CD300LG: variants seen among roughly 807,000 people sequenced by gnomAD.
CD300LG encodes CD300 molecule like family member g.
Under a neutral mutation model 31.5 loss-of-function variants are expected in CD300LG, and 29 were observed. The observed-to-expected ratio is 0.92, with a 90% confidence interval of 0.68 to 1.25. CD300LG has a LOEUF of 1.25. CD300LG is among the 50% of genes most tolerant of loss of function. The pLI is 0.00. For missense variants in CD300LG, 396 were observed against 417.6 expected (o/e 0.95, Z 0.45); for synonymous variants, 175 against 177.2 (o/e 0.99, Z 0.10).
intron 2 of CD300LG, among the ~76,000 whole-genome samples, chr17:43,851,064 G>T (rs1011996326): frequency 5.3e-5 from 8 of 150,104 alleles, no homozygotes; most frequent in African/African-American, 2.0e-4. Flanking sequence ...AACCCGGGAG[G>T]CGGAGGTTGC....
Position 43,853,164 on chromosome 17 carries a change from G to C in CD300LG, c.481+151G>C, listed in dbSNP as rs2046410268. On this transcript the variant is annotated intron_variant, in intron 3 of 6. Coordinates refer to ENST00000317310, the MANE Select transcript of CD300LG (RefSeq NM_145273.4). ...GGGTTGTCCAGCTGTGGAAGTGGAG[G>C]CTCAGCAGGGTTAGGTCACTTGCTC... is the stretch of plus-strand genomic sequence containing the variant. The C allele has an allele frequency of 4.8e-6, 3 of 622,548 alleles. No individual in the cohort carries two copies. In the Admixed American group the frequency reaches 9.4e-5, roughly 19 times the overall value. 38.6% of individuals were successfully genotyped at this position (622,548 alleles called of 1,614,324 possible). A position where few individuals can be genotyped will look rare whatever the true frequency, so the allele number is the denominator to read the frequency against.
chr17:43,853,976 C>T lies in CD300LG; in HGVS notation c.651C>T (p.Pro217=), dbSNP rs756592250. ...TSPPAGSSRP[P]MQLDSTSAED... ...CTCCTGCAGGGAGCTCCCGCCCCCC[C>T]ATGCAGCTGGACTCCACCTCAGCAG... Residue 217 remains proline (P), a synonymous_variant, in exon 4 of 7, where the codon CCC becomes CCT. Transcript: ENST00000317310. 2 of 1,614,096 alleles carry T rather than the reference C, an allele frequency of 1.2e-6. No individual in the cohort carries two copies. The highest frequency in any genetic ancestry group is 1.6e-4 in the Middle Eastern group (1 of 6,084).
intron 2 of CD300LG, among the ~76,000 whole-genome samples, chr17:43,852,431 C>T (rs533490894): frequency 1.3e-5 from 2 of 152,278 alleles, no homozygotes; most frequent in African/African-American, 4.8e-5. Context: ...CCAGGCTGGT[C>T]TCGAACTCCT....
At chr17:43,847,695 C>G (rs2046222762) in intron 1 of CD300LG, among the ~76,000 whole-genome samples, 1 of 152,172 alleles carries the variant, frequency 6.6e-6, no homozygotes, top group African/African-American at 2.4e-5. Flanking sequence ...TTTTTCTTTA[C>G]CTTCTAACAC....
rs781654438 is a variant in CD300LG at position 43,853,891 on chromosome 17, A to C, written c.566A>C (p.Gln189Pro). The change falls in exon 4 of 7, where the codon CAG (glutamine) becomes CCG (proline). Residue 189 changes from glutamine (Q) to proline (P), a missense_variant. Gln to Pro is a moderately conservative substitution (Grantham distance 76). Transcript: ENST00000317310. Reference protein sequence around the residue: ...AEAPPLPGTSQYGHERTSQYT... With the variant: ...AEAPPLPGTSPYGHERTSQYT... ...GCCCCTCCATTGCCAGGGACTTCCC[A>C]GTACGGGCACGAAAGGACTTCTCAG... 4 of 1,614,142 alleles carry C rather than the reference A, an allele frequency of 2.5e-6. No homozygotes were observed. Among genetic ancestry groups the C allele is most frequent in the Non-Finnish European group, 3.4e-6 (4 of 1,180,012 alleles).
rs1384762810 is a variant in CD300LG, at chr17:43,853,977, A to G, written c.652A>G (p.Met218Val). 2.2e-5 allele frequency: 35 copies of G among 1,614,136 alleles called. No individual in the cohort carries two copies. Among genetic ancestry groups the G allele is most frequent in the Non-Finnish European group, 2.9e-5 (34 of 1,180,000 alleles). Residue 218 changes from methionine to valine, a missense_variant, in exon 4 of 7, where the codon ATG (methionine) becomes GTG (valine). By Grantham distance (21) the Met-to-Val change is conservative (BLOSUM62 1). Coordinates refer to ENST00000317310, the MANE Select transcript of CD300LG (RefSeq NM_145273.4). The part of the protein sequence containing the change: ...SPPAGSSRPP[M>V]QLDSTSAEDT... ...TCCTGCAGGGAGCTCCCGCCCCCCC[A>G]TGCAGCTGGACTCCACCTCAGCAGA... is the stretch of plus-strand genomic sequence containing the variant.
chr17:43,850,285 C>T (rs990288810), intron 2 of CD300LG, among the ~76,000 whole-genome samples: 2 of 152,200 alleles, frequency 1.3e-5, no homozygotes, highest in Non-Finnish European at 2.9e-5. Flanking sequence ...GACAGTTTAA[C>T]ACGATCTCAC....
chr17:43,848,986 G>T, intron 2 of CD300LG, 93 bp downstream of exon 2: 1 of 1,113,012 alleles, frequency 9.0e-7, no homozygotes. Flanking sequence ...CCAACATTAT[G>T]GGCACTGAGT....
chr17:43,852,909 T>C lies in CD300LG; in HGVS notation c.380-3T>C, dbSNP rs1202216751. ...CTGAGAGCAGCCTTTCCCTTTCCTC[T>C]AGGACCCTGCTGTCCTCCCTCCCCT... On this transcript the variant is annotated splice_region_variant and splice_polypyrimidine_tract_variant and intron_variant, in intron 2 of 6. Coordinates refer to ENST00000317310, the MANE Select transcript of CD300LG (RefSeq NM_145273.4). The C allele has an allele frequency of 1.2e-6, 2 of 1,608,928 alleles. No individual in the cohort carries two copies. The highest frequency in any genetic ancestry group is 1.3e-5 in the African/African-American group (1 of 74,768).
Position 43,848,574 on chromosome 17 carries a change from G to T in CD300LG, c.60G>T (p.Glu20Asp), listed in dbSNP as rs779322180. Residue 20 changes from glutamate to aspartate, a missense_variant, in exon 2 of 7, where the codon GAG (glutamate) becomes GAT (aspartate). Transcript: ENST00000317310. ...TGATTTTAGGTTATGAAGCCCTGGA[G>T]GGCCCAGAGGAAATCAGCGGGTTCG... ...CLLLPGYEALEGPEEISGFEG... is the reference protein window; with the variant it reads ...CLLLPGYEALDGPEEISGFEG... 6.2e-7 allele frequency: 1 copy of T among 1,613,758 alleles called. No homozygotes were observed. The highest frequency in any genetic ancestry group is 8.5e-7 in the Non-Finnish European group (1 of 1,179,760).
intron 6 of CD300LG, 99 bp downstream of exon 6, chr17:43,857,255 C>CA: frequency 6.7e-7 from 1 of 1,485,340 alleles, no homozygotes; most frequent in South Asian, 1.2e-5. Flanking sequence ...CCTGGTCCTC[C>CA]TTGCCTGACC....
chr17:43,860,473 C>T (rs1219505681), intron 6 of CD300LG, among the ~76,000 whole-genome samples: 1 of 152,208 alleles, frequency 6.6e-6, no homozygotes, highest in Non-Finnish European at 1.5e-5. Flanking sequence ...GGCTGGGGAG[C>T]TTGGCCGGCT....
chr17:43,861,548 A>G (rs987545149), intron 6 of CD300LG, among the ~76,000 whole-genome samples: 2 of 151,240 alleles, frequency 1.3e-5, no homozygotes, highest in Non-Finnish European at 2.9e-5. Flanking sequence ...CAAGGCCACA[A>G]CTGCGCCAGA....
In CD300LG at chr17:43,847,209, C is replaced by G. The variant is rs554268588; in HGVS notation, c.-8C>G. 1 of 1,613,820 alleles carries G rather than the reference C, an allele frequency of 6.2e-7. No individual in the cohort carries two copies. Among genetic ancestry groups the G allele is most frequent in the Non-Finnish European group, 8.5e-7 (1 of 1,179,840 alleles). On this transcript the variant is annotated 5_prime_UTR_variant, in exon 1 of 7. Coordinates refer to ENST00000317310, the MANE Select transcript of CD300LG (RefSeq NM_145273.4). ...CAGCGTCTGCTCCCACGGTGTCCAG[C>G]GCCCAGAATGCGGCTTCTGGTCCTG...
chr17:43,862,176 G>A lies in CD300LG; in HGVS notation c.*265G>A, dbSNP rs1399565966. 3.7e-6 allele frequency: 1 copy of A among 268,864 alleles called. No homozygotes were observed. Among genetic ancestry groups the A allele is most frequent in the Non-Finnish European group, 7.0e-6 (1 of 143,166 alleles). 16.7% of individuals were successfully genotyped at this position (268,864 alleles called of 1,614,324 possible). A position where few individuals can be genotyped will look rare whatever the true frequency, so the allele number is the denominator to read the frequency against. The stretch of plus-strand genomic sequence containing the variant: ...GTTCACATCCCTGGGCAGAGTACCA[G>A]GCTGCTGACCCTCAGCAGGGCCAGA... On this transcript the variant is annotated 3_prime_UTR_variant, in exon 7 of 7. Coordinates refer to ENST00000317310, the MANE Select transcript of CD300LG (RefSeq NM_145273.4).
chr17:43,849,213 T>C (rs2046278930), intron 2 of CD300LG: 2 of 501,284 alleles, frequency 4.0e-6, no homozygotes, highest in Middle Eastern at 5.2e-4. Context: ...GGGTACAAGA[T>C]AGACATATCA....
At chr17:43,858,748 T>G (rs2143405987) in intron 6 of CD300LG, 3 of 976,538 alleles carry the variant, frequency 3.1e-6, no homozygotes, top group East Asian at 1.1e-4. Context: ...TTTGGGGCTT[T>G]CTTTGTCCAC....
intron 5 of CD300LG, 101 bp from the exon 6 acceptor site, chr17:43,857,003 T>C (rs1230146575): frequency 3.4e-6 from 4 of 1,172,932 alleles, no homozygotes; most frequent in Non-Finnish European, 2.5e-6. Context: ...AAGCCCCTGC[T>C]CCCGTGTGCA....
At chr17:43,851,640 ATTTTTTTTTT>A (rs60784804) in intron 2 of CD300LG, among the ~76,000 whole-genome samples, 1 of 111,866 alleles carries the variant, frequency 8.9e-6, no homozygotes, top group Non-Finnish European at 1.8e-5. Flanking sequence ...GAGGACAGGA[ATTTTTTTTTT>A]TTTTTTTTTT....
Sources: allele counts gnomAD v4.1 joint callset (sites outside exome capture counted in the v4.1 genomes callset), GRCh38; gene constraint gnomAD v4.1.1; transcripts MANE v1.5; gene names NCBI Gene and HGNC (gene_info 2026-07-23, HGNC 2026-07-21).